Variants in MAGI1 observed in about 807,000 individuals in gnomAD.
MAGI1 encodes the protein membrane-associated guanylate kinase, WW and PDZ domain-containing protein 1.
Under a neutral mutation model 139.9 loss-of-function variants are expected in MAGI1, and 58 were observed. The observed-to-expected ratio is 0.41, with a 90% CI of 0.34 to 0.52. The LOEUF (loss-of-function observed/expected upper bound fraction) is 0.52. Among genes scored for constraint, MAGI1 ranks in the 20% least tolerant of loss-of-function variants. The pLI, the probability that MAGI1 is intolerant of heterozygous loss-of-function variation, is 0.12. For synonymous variants in MAGI1, 812 were observed against 737.9 expected (o/e 1.10, Z -1.63); for missense variants, 1,874 against 1,901.6 (o/e 0.99, Z 0.27).
intron 1 of MAGI1, among the ~76,000 whole-genome samples, chr3:65,858,621 T>C (rs893694199): frequency 6.6e-6 from 1 of 152,254 alleles, no homozygotes; most frequent in African/African-American, 2.4e-5. Context: ...GATCTAATTA[T>C]GAATATCTAT....
At chr3:65,734,143 T>C (rs753750869) in intron 1 of MAGI1, among the ~76,000 whole-genome samples, 98 of 152,280 alleles carry the variant, frequency 6.4e-4, no homozygotes, top group Middle Eastern at 3.4e-3. Context: ...GCCAACTCAT[T>C]TTTCATTTGC....
At chr3:65,770,029 A>C (rs1286276519) in intron 1 of MAGI1, among the ~76,000 whole-genome samples, 1 of 152,186 alleles carries the variant, frequency 6.6e-6, no homozygotes, top group Admixed American at 6.5e-5. Context: ...GAGGATTGCT[A>C]TCTTGGGCCC....
intron 2 of MAGI1, among the ~76,000 whole-genome samples, chr3:65,597,259 C>T (rs2082254736): frequency 6.9e-6 from 1 of 144,522 alleles, no homozygotes; most frequent in Admixed American, 6.9e-5. Flanking sequence ...CCGGCCCCCT[C>T]CCCCTCCCAC....
chr3:66,006,728 CAG>C (rs1553746250), intron 1 of MAGI1, among the ~76,000 whole-genome samples: 2 of 151,968 alleles, frequency 1.3e-5, no homozygotes, highest in African/African-American at 4.8e-5. Context: ...ATAAATAAAA[CAG>C]GGGAATGGGA....
chr3:65,621,839 G>GT, intron 2 of MAGI1, 133 bp downstream of exon 2: 1 of 631,420 alleles, frequency 1.6e-6, no homozygotes, highest in Non-Finnish European at 2.8e-6. Context: ...ATTTGCTTGA[G>GT]TTAAGGAGTC....
intron 1 of MAGI1, among the ~76,000 whole-genome samples, chr3:65,791,999 T>C (rs748454091): frequency 4.6e-5 from 7 of 152,102 alleles, no homozygotes; most frequent in Admixed American, 1.3e-4. Flanking sequence ...CCTGAAACCA[T>C]GAATAATACC....
At chr3:65,904,370 C>T (rs138626933) in intron 1 of MAGI1, among the ~76,000 whole-genome samples, 41 of 152,298 alleles carry the variant, frequency 2.7e-4, no homozygotes, top group African/African-American at 8.9e-4. Context: ...AGACATCCAC[C>T]CTCTGATATA....
intron 1 of MAGI1, among the ~76,000 whole-genome samples, chr3:65,795,696 T>TATACACACACACAC (rs1553708464): frequency 6.5e-5 from 9 of 138,930 alleles, no homozygotes; most frequent in African/African-American, 2.1e-4. Context: ...GATGATAAGA[T>TATACACACACACAC]ACACACACAC....
intron 5 of MAGI1, among the ~76,000 whole-genome samples, chr3:65,463,808 G>A (rs575760883): frequency 1.2e-4 from 18 of 152,098 alleles, no homozygotes; most frequent in Admixed American, 1.2e-3. Flanking sequence ...TTCAGAACTT[G>A]TTATTGGTCT....
At chr3:65,893,654 A>G (rs575715027) in intron 1 of MAGI1, among the ~76,000 whole-genome samples, 2 of 152,348 alleles carry the variant, frequency 1.3e-5, no homozygotes, top group African/African-American at 4.8e-5. Flanking sequence ...TGGTAAAGAC[A>G]GTATGCAAAA....
At chr3:65,378,018 T>A (rs1417493627) in intron 17 of MAGI1, among the ~76,000 whole-genome samples, 1 of 152,208 alleles carries the variant, frequency 6.6e-6, no homozygotes, top group South Asian at 2.1e-4. Flanking sequence ...CTGAGGTACA[T>A]GAAAAGCCCA....
intron 2 of MAGI1, among the ~76,000 whole-genome samples, chr3:65,515,931 C>T (rs553073632): frequency 2.4e-4 from 36 of 152,300 alleles, no homozygotes; most frequent in Non-Finnish European, 4.3e-4. Context: ...TTGGAGAAGG[C>T]AGTACTGACT....
chr3:66,020,116 C>T (rs1438592456), intron 1 of MAGI1, among the ~76,000 whole-genome samples: 2 of 152,186 alleles, frequency 1.3e-5, no homozygotes, highest in Non-Finnish European at 1.5e-5. Context: ...AGGCATATCA[C>T]CCGTTTGCCC....
intron 12 of MAGI1, among the ~76,000 whole-genome samples, chr3:65,410,186 A>C (rs1228447771): frequency 6.6e-6 from 1 of 152,208 alleles, no homozygotes; most frequent in East Asian, 1.9e-4. Context: ...GTGTCATTGA[A>C]ATGATATGGA....
chr3:65,790,635 A>G (rs1156986148), intron 1 of MAGI1, among the ~76,000 whole-genome samples: 1 of 152,206 alleles, frequency 6.6e-6, no homozygotes, highest in East Asian at 1.9e-4. Context: ...TCAGCTGTAG[A>G]GGAAAAAAGT....
chr3:65,725,686 T>C (rs1211299968), intron 1 of MAGI1, among the ~76,000 whole-genome samples: 1 of 152,142 alleles, frequency 6.6e-6, no homozygotes, highest in Non-Finnish European at 1.5e-5. Flanking sequence ...AGACAGGAAT[T>C]AGTACATCTC....
chr3:65,365,004 C>T (rs920750914), intron 18 of MAGI1, 58 bp from the exon 19 acceptor site: 2 of 1,424,714 alleles, frequency 1.4e-6, no homozygotes, highest in Non-Finnish European at 2.0e-6. Context: ...ATCCTCCAGC[C>T]AGGAGGTGTG....
chr3:65,996,877 C>T (rs780310506), intron 1 of MAGI1, among the ~76,000 whole-genome samples: 9 of 152,334 alleles, frequency 5.9e-5, no homozygotes, highest in Admixed American at 2.6e-4. Context: ...CATCAAATGA[C>T]TAGCATACTT....
chr3:65,746,497 G>A (rs2035721660), intron 1 of MAGI1, among the ~76,000 whole-genome samples: 1 of 152,104 alleles, frequency 6.6e-6, no homozygotes, highest in African/African-American at 2.4e-5. Flanking sequence ...CTATATCATT[G>A]ACAGTATAAT....
Sources: gnomAD v4.1 joint callset for allele counts (sites outside exome capture counted in the v4.1 genomes callset) on GRCh38, gnomAD v4.1.1 for gene constraint, MANE v1.5 for transcripts, NCBI Gene and HGNC (gene_info 2026-07-23, HGNC 2026-07-21) for gene names.